The following ATP13A3 variants were observed in gnomAD, a reference collection of about 807,000 sequenced individuals.
The protein encoded by ATP13A3 is polyamine-transporting ATPase 13A3.
ATP13A3 carries 59 observed loss-of-function variants against 158.1 expected under a neutral mutation model. That is an observed-to-expected ratio of 0.37 (90% confidence interval 0.30 to 0.46). ATP13A3 has a LOEUF of 0.46. ATP13A3 is among the 20% of genes least tolerant of loss of function. The pLI is 1.00. For synonymous variants in ATP13A3, 491 were observed against 504.3 expected, an observed-to-expected ratio of 0.97 and a Z score of 0.35; for missense variants, 1,166 against 1,525.2, an observed-to-expected ratio of 0.76 and a Z score of 3.92.
intron 31 of ATP13A3, among the ~76,000 whole-genome samples, chr3:194,415,326 G>A (rs116551588): frequency 0.018 from 2,680 of 152,264 alleles, 76 homozygotes; most frequent in African/African-American, 0.062. Flanking sequence ...ATTAGTTGAC[G>A]AACGTGTGGG....
Position 194,459,803 on chromosome 3 carries a change from T to C in ATP13A3, c.394A>G (p.Thr132Ala). The change falls in exon 5 of 34, where the codon ACT becomes GCT. Residue 132 changes from threonine (T) to alanine (A), a missense_variant. This residue lies in a region of ATP13A3 where 104 missense variants were observed against 91.7 expected (regional missense o/e 1.13). Transcript: ENST00000645319. Reference sequence around the variant, plus strand: ...GATCACAATACCTGTTGTGATTCAGTCTGTGAATATTTACTGATCCTGTGC... The same window carrying C: ...GATCACAATACCTGTTGTGATTCAGCCTGTGAATATTTACTGATCCTGTGC... ...NRHRISKYSQ[T>A]ESQQIRYFTH... 1 of 1,610,598 alleles carries C rather than the reference T, an allele frequency of 6.2e-7. No individual in the cohort carries two copies. Among genetic ancestry groups the C allele is most frequent in the Non-Finnish European group, 8.5e-7 (1 of 1,178,588 alleles).
At chr3:194,492,240 C>T (rs1324483285) in intron 2 of ATP13A3, among the ~76,000 whole-genome samples, 1 of 152,142 alleles carries the variant, frequency 6.6e-6, no homozygotes, top group African/African-American at 2.4e-5. Context: ...TCTTTCCTGA[C>T]TCACGGTCTT....
At chr3:194,428,055 T>C (rs1431084339) in intron 28 of ATP13A3, among the ~76,000 whole-genome samples, 1 of 151,838 alleles carries the variant, frequency 6.6e-6, no homozygotes, top group Non-Finnish European at 1.5e-5. Context: ...ACCCCGATTC[T>C]ACTAAAAATA....
intron 2 of ATP13A3, among the ~76,000 whole-genome samples, chr3:194,476,835 A>T (rs150951645): frequency 1.8e-3 from 276 of 151,644 alleles, no homozygotes; most frequent in Non-Finnish European, 3.2e-3. Context: ...TCTCACTAGC[A>T]AAGTTTTGAA....
intron 2 of ATP13A3, among the ~76,000 whole-genome samples, chr3:194,473,118 G>A (rs929179342): frequency 6.6e-6 from 1 of 152,104 alleles, no homozygotes; most frequent in African/African-American, 2.4e-5. Context: ...TAACAAACCT[G>A]CACAGGTATT....
intron 21 of ATP13A3, among the ~76,000 whole-genome samples, chr3:194,433,534 C>T (rs994081845): frequency 2.6e-5 from 4 of 152,144 alleles, no homozygotes; most frequent in South Asian, 4.1e-4. Flanking sequence ...TGAGCCACCG[C>T]GCCCGGCCGT....
chr3:194,446,729 A>T (rs904372074), intron 14 of ATP13A3, among the ~76,000 whole-genome samples, 198 bp downstream of exon 14: 1 of 152,228 alleles, frequency 6.6e-6, no homozygotes, highest in Admixed American at 6.5e-5. Context: ...GCAGTTTTCA[A>T]GAACCTATCA....
At chr3:194,435,698 G>A (rs1362334883) in intron 20 of ATP13A3, among the ~76,000 whole-genome samples, 1 of 152,130 alleles carries the variant, frequency 6.6e-6, no homozygotes, top group African/African-American at 2.4e-5. Flanking sequence ...CACAAGGTCA[G>A]GAGTTCGAGA....
chr3:194,459,566 A>C (rs1170962829), intron 5 of ATP13A3, 25 bp from the exon 6 acceptor site: 2 of 1,552,292 alleles, frequency 1.3e-6, no homozygotes. Context: ...TAAACGTTAC[A>C]CCAAAAAGCA....
At chr3:194,424,799 C>T (rs1211002679) in intron 30 of ATP13A3, among the ~76,000 whole-genome samples, 1 of 152,156 alleles carries the variant, frequency 6.6e-6, no homozygotes. Context: ...AGTATACTGG[C>T]CCTTTCTGCA....
upstream of ATP13A3, chr3:194,487,870 C>G (rs1007845210): frequency 2.6e-5 from 4 of 152,410 alleles, no homozygotes; most frequent in Admixed American, 6.5e-5. Context: ...GCCGCCTTAG[C>G]GTCTTAGAGA....
intron 28 of ATP13A3, 79 bp from the exon 29 acceptor site, chr3:194,427,331 G>C: frequency 7.6e-7 from 1 of 1,314,460 alleles, no homozygotes; most frequent in Admixed American, 3.1e-5. Context: ...GATTCATTTA[G>C]GAACTTTAAA....
At chr3:194,464,412 G>A (rs1347659541) in intron 2 of ATP13A3, among the ~76,000 whole-genome samples, 1 of 152,132 alleles carries the variant, frequency 6.6e-6, no homozygotes. Flanking sequence ...TCCACCTAGG[G>A]CAGTGTAATG....
intron 2 of ATP13A3, among the ~76,000 whole-genome samples, chr3:194,467,424 T>C (rs1720059287): frequency 6.6e-6 from 1 of 152,216 alleles, no homozygotes; most frequent in Non-Finnish European, 1.5e-5. Context: ...TTAACCATAT[T>C]ACACCATTAC....
chr3:194,426,924 T>C, intron 29 of ATP13A3, 151 bp downstream of exon 29: 1 of 718,736 alleles, frequency 1.4e-6, no homozygotes, highest in Non-Finnish European at 2.2e-6. Flanking sequence ...TCTCAAGTGA[T>C]CTACCTGCCT....
Position 194,431,061 on chromosome 3 carries a change from C to G in ATP13A3, c.2545-39G>C, listed in dbSNP as rs376211702. On this transcript the variant is annotated intron_variant, in intron 23 of 33. Coordinates refer to ENST00000645319, the MANE Select transcript of ATP13A3 (RefSeq NM_001367549.1). ...TACAAATTTTTTTAAAATACTGTTG[C>G]GATGCATTCATGTGAGCACACACAT... 3.7e-6 allele frequency: 6 copies of G among 1,613,200 alleles called. No individual in the cohort carries two copies. In the African/African-American group the frequency reaches 5.3e-5, roughly 14 times the overall value.
intron 31 of ATP13A3, among the ~76,000 whole-genome samples, chr3:194,414,115 T>A (rs1316564549): frequency 6.6e-6 from 1 of 152,160 alleles, no homozygotes; most frequent in Non-Finnish European, 1.5e-5. Flanking sequence ...CATGCTCTAC[T>A]AGATCATGAA....
chr3:194,425,903 C>G (rs919337512), intron 29 of ATP13A3, among the ~76,000 whole-genome samples: 1 of 152,186 alleles, frequency 6.6e-6, no homozygotes, highest in African/African-American at 2.4e-5. Context: ...CTGAGCCTAC[C>G]TCCTCGCTGG....
upstream of ATP13A3, among the ~76,000 whole-genome samples, chr3:194,489,744 CT>C (rs1246286032): frequency 6.6e-6 from 1 of 152,192 alleles, no homozygotes; most frequent in Non-Finnish European, 1.5e-5. The surrounding 1 kb of genome is among the most constrained non-coding windows in gnomAD (Gnocchi z 4.1). Context: ...ATTCCAAAAA[CT>C]TTTCTGTTAC....
Sources: gnomAD v4.1 joint callset for allele counts (sites outside exome capture counted in the v4.1 genomes callset) on GRCh38, gnomAD v4.1.1 for gene constraint, gnomAD v4.1.1 regional missense constraint, Gnocchi (gnomAD v3.1) non-coding constraint, MANE v1.5 for transcripts, NCBI Gene and HGNC (gene_info 2026-07-23, HGNC 2026-07-21) for gene names.